The following GALNTL6 variants were observed in gnomAD, a reference collection of about 807,000 sequenced individuals.
GALNTL6 encodes the protein polypeptide N-acetylgalactosaminyltransferase-like 6.
In GALNTL6, 46 loss-of-function variants were observed where a neutral mutation model predicts 73.7. That is an observed-to-expected ratio of 0.62 (90% CI 0.49 to 0.80). GALNTL6 has a LOEUF of 0.80. Ranked by LOEUF, GALNTL6 falls within the 30% of genes least tolerant of loss-of-function variation. The probability of loss-of-function intolerance (pLI) is 0.00; values close to 1 mark genes in which losing one functional copy is unlikely to be tolerated. For synonymous variants in GALNTL6, 259 were observed against 263.7 expected (o/e 0.98, Z 0.17); for missense variants, 604 against 755.0 (o/e 0.80, Z 2.34).
chr4:173,008,782 TG>T (rs1362919946), intron 10 of GALNTL6, among the ~76,000 whole-genome samples: 1 of 152,234 alleles, frequency 6.6e-6, no homozygotes, highest in Non-Finnish European at 1.5e-5. Flanking sequence ...GCTGTTCCAC[TG>T]GAATTCAATA....
At chr4:172,698,419 C>A (rs1437829) in intron 5 of GALNTL6, among the ~76,000 whole-genome samples, 149,859 of 152,202 alleles carry the variant, frequency 0.98, 73,818 homozygotes, top group East Asian at 1. Flanking sequence ...AGCTTCCTTC[C>A]GCTGAGATCC....
intron 5 of GALNTL6, among the ~76,000 whole-genome samples, chr4:172,382,487 T>C (rs1168266183): frequency 6.6e-6 from 1 of 152,194 alleles, no homozygotes; most frequent in Admixed American, 6.5e-5. Context: ...AATCTTAATA[T>C]ATTCTGAGTG....
intron 4 of GALNTL6, among the ~76,000 whole-genome samples, chr4:172,314,932 A>G (rs1406374248): frequency 6.6e-6 from 1 of 151,644 alleles, no homozygotes; most frequent in Non-Finnish European, 1.5e-5. Flanking sequence ...TTTTAAAGAA[A>G]TTTTCTGATT....
At chr4:172,201,605 GAT>G (rs1378414548) in intron 2 of GALNTL6, among the ~76,000 whole-genome samples, 1 of 151,904 alleles carries the variant, frequency 6.6e-6, no homozygotes, top group African/African-American at 2.4e-5. Context: ...ACGAAACACA[GAT>G]AAACTGTTTA....
intron 8 of GALNTL6, among the ~76,000 whole-genome samples, chr4:172,915,950 G>A (rs909436043): frequency 6.6e-6 from 1 of 152,004 alleles, no homozygotes; most frequent in South Asian, 2.1e-4. Flanking sequence ...CAAAAAAAGA[G>A]AATTATAGGC....
At chr4:173,007,574 A>G (rs900926425) in intron 10 of GALNTL6, among the ~76,000 whole-genome samples, 3 of 152,208 alleles carry the variant, frequency 2.0e-5, no homozygotes, top group African/African-American at 7.2e-5. Context: ...TGGGAGGCCG[A>G]GGCAGGTGGA....
At chr4:171,930,905 T>C (rs909927937) in intron 2 of GALNTL6, among the ~76,000 whole-genome samples, 1 of 152,134 alleles carries the variant, frequency 6.6e-6, no homozygotes, top group African/African-American at 2.4e-5. Context: ...TTATTCAACA[T>C]ATGACTGAAA....
At chr4:172,527,496 C>T (rs776807513) in intron 5 of GALNTL6, among the ~76,000 whole-genome samples, 7 of 152,192 alleles carry the variant, frequency 4.6e-5, no homozygotes, top group Non-Finnish European at 5.9e-5. Context: ...AAGTGAATGG[C>T]GATATCTTCA....
intron 5 of GALNTL6, among the ~76,000 whole-genome samples, chr4:172,403,557 C>G (rs1426191256): frequency 2.6e-5 from 4 of 152,060 alleles, no homozygotes; most frequent in East Asian, 3.9e-4. Context: ...TCTTAAATAA[C>G]TAGATTTCAT....
intron 2 of GALNTL6, among the ~76,000 whole-genome samples, chr4:171,857,961 T>A (rs1362567143): frequency 6.6e-6 from 1 of 152,218 alleles, no homozygotes; most frequent in Non-Finnish European, 1.5e-5. Context: ...TGCTCAATAA[T>A]AATCACTGAA....
At chr4:172,528,953 A>ATG in intron 5 of GALNTL6, among the ~76,000 whole-genome samples, 1 of 13,848 alleles carries the variant, frequency 7.2e-5, no homozygotes, top group Non-Finnish European at 1.2e-4. Flanking sequence ...TCCCAAAGGC[A>ATG]TATATATATA....
intron 5 of GALNTL6, among the ~76,000 whole-genome samples, chr4:172,518,771 T>C (rs923585077): frequency 3.3e-5 from 5 of 151,974 alleles, no homozygotes; most frequent in African/African-American, 9.7e-5. Context: ...TACTGTTCAA[T>C]AGTAGAATAT....
At chr4:172,458,147 A>G (rs1732469311) in intron 5 of GALNTL6, among the ~76,000 whole-genome samples, 1 of 152,088 alleles carries the variant, frequency 6.6e-6, no homozygotes, top group Non-Finnish European at 1.5e-5. Context: ...ATTAAGGCAG[A>G]AATAAAGGTT....
chr4:173,035,743 C>T (rs922570486), intron 12 of GALNTL6, among the ~76,000 whole-genome samples: 4 of 152,204 alleles, frequency 2.6e-5, no homozygotes, highest in South Asian at 2.1e-4. Context: ...TAAATCCTTT[C>T]GGTTAAAATG....
intron 5 of GALNTL6, among the ~76,000 whole-genome samples, chr4:172,396,143 A>T (rs1392680656): frequency 6.6e-6 from 1 of 152,036 alleles, no homozygotes; most frequent in Non-Finnish European, 1.5e-5. Flanking sequence ...TTTTCCTTAT[A>T]ATAACTATAA....
chr4:171,875,153 G>T (rs751949558), intron 2 of GALNTL6, among the ~76,000 whole-genome samples: 3 of 152,134 alleles, frequency 2.0e-5, no homozygotes, highest in Admixed American at 6.5e-5. Flanking sequence ...ACTATTTTTT[G>T]ATGATGATAA....
rs1030794407 is a variant in GALNTL6 at position 171,837,658 on chromosome 4, ATAAT to A, written c.138+22945_138+22948del. On this transcript the variant is annotated intron_variant, in intron 2 of 12. Transcript: ENST00000506823. ...TATATAATATATTAATAATAAATTA[ATAAT>A]TAATATATAAATATATTATGTATAT... Among the ~76,000 whole-genome samples, 5 of 147,196 alleles carry A rather than the reference ATAAT, an allele frequency of 3.4e-5. No homozygotes were observed. In the East Asian group the frequency reaches 5.8e-4, roughly 17 times the overall value.
chr4:172,087,450 AAAAAAAAAC>A (rs1385384527), intron 2 of GALNTL6, among the ~76,000 whole-genome samples: 334 of 147,848 alleles, frequency 2.3e-3, no homozygotes, highest in African/African-American at 7.2e-3. Flanking sequence ...ATCCCAAAAA[AAAAAAAAAC>A]AAAAAAAACA....
chr4:172,429,040 C>T (rs1579063138), intron 5 of GALNTL6, among the ~76,000 whole-genome samples: 1 of 151,988 alleles, frequency 6.6e-6, no homozygotes. Flanking sequence ...ATGGTTAAGA[C>T]GTCTTCTCAC....
Sources: gnomAD v4.1 joint callset for allele counts (sites outside exome capture counted in the v4.1 genomes callset) on GRCh38, gnomAD v4.1.1 for gene constraint, MANE v1.5 for transcripts, NCBI Gene and HGNC (gene_info 2026-07-23, HGNC 2026-07-21) for gene names.